The following BARD1 variants were observed in gnomAD, a reference collection of about 807,000 sequenced individuals.
The protein encoded by BARD1 is BRCA1-associated RING domain protein 1.
In BARD1, 73 loss-of-function variants were observed where a neutral mutation model predicts 77.0. The observed-to-expected ratio is 0.95, with a 90% CI of 0.79 to 1.15. The LOEUF is 1.15. Ranked by LOEUF, BARD1 falls within the 50% of genes most tolerant of loss-of-function variation. The probability of loss-of-function intolerance (pLI) is 0.00; values close to 1 mark genes in which losing one functional copy is unlikely to be tolerated. For missense variants in BARD1, 993 were observed against 938.8 expected, an observed-to-expected ratio of 1.06 and a Z score of -0.75; for synonymous variants, 384 against 338.0, an observed-to-expected ratio of 1.14 and a Z score of -1.49.
chr2:214,747,851 TATA>T (rs886553362), intron 7 of BARD1, among the ~76,000 whole-genome samples: 3 of 150,416 alleles, frequency 2.0e-5, no homozygotes, highest in South Asian at 2.1e-4. Context: ...AAACTTAAAG[TATA>T]ATAATAATAA....
At chr2:214,769,205 G>T in intron 5 of BARD1, 27 bp downstream of exon 5, 2 of 1,564,958 alleles carry the variant, frequency 1.3e-6, no homozygotes, top group Non-Finnish European at 1.8e-6. Flanking sequence ...AACACAGAAA[G>T]AATGAGAATA....
chr2:214,745,573 G>GA (rs1230115658), intron 8 of BARD1, 149 bp downstream of exon 8: 50 of 958,680 alleles, frequency 5.2e-5, no homozygotes, highest in African/African-American at 8.3e-5. Flanking sequence ...GTTTATTACT[G>GA]AAAAAAAATT....
intron 4 of BARD1, among the ~76,000 whole-genome samples, chr2:214,771,839 T>G (rs1043083810): frequency 1.3e-5 from 2 of 151,514 alleles, no homozygotes; most frequent in African/African-American, 4.9e-5. Flanking sequence ...CATACATTTT[T>G]ATATTCCTAA....
intron 4 of BARD1, among the ~76,000 whole-genome samples, chr2:214,773,352 G>A (rs185994067): frequency 1.2e-4 from 19 of 152,258 alleles, no homozygotes; most frequent in Non-Finnish European, 2.4e-4. Context: ...AGGAACCAAA[G>A]ACTTCCCTTC....
intron 6 of BARD1, among the ~76,000 whole-genome samples, 184 bp downstream of exon 6, chr2:214,767,298 C>A (rs892332681): frequency 7.4e-6 from 1 of 135,552 alleles, no homozygotes; most frequent in African/African-American, 2.7e-5. Flanking sequence ...TATGAAGGAC[C>A]AACTGTATCA....
At position 214,727,544 on chromosome 2, in the gene BARD1, C is replaced by T. The variant is rs1425357347; in HGVS notation, c.*1132G>A. 2.2e-5 allele frequency: 5 copies of T among 232,080 alleles called. No homozygotes were observed. The highest frequency in any genetic ancestry group is 8.8e-5 in the African/African-American group (4 of 45,248). 14.4% of individuals were successfully genotyped at this position (232,080 alleles called of 1,614,324 possible). On this transcript the variant is annotated 3_prime_UTR_variant, in exon 11 of 11. Transcript: ENST00000260947. ...CTTGTCGATTCATGAATGAGAGCAC[C>T]CAGAGCAGAGTAACCTCCCCACATC... is the stretch of plus-strand genomic sequence containing the variant.
Position 214,725,870 on chromosome 2 carries a change from T to C in BARD1, c.*2806A>G. ...GACTGTAATGAGGCCCATGAACGTT[T>C]AGAATATGATTAATGCATTTTCCAC... is the stretch of plus-strand genomic sequence containing the variant. On this transcript the variant is annotated 3_prime_UTR_variant, in exon 11 of 11. Coordinates refer to ENST00000260947, the MANE Select transcript of BARD1 (RefSeq NM_000465.4). 1 of 223,194 alleles carries C rather than the reference T, an allele frequency of 4.5e-6. No individual in the cohort carries two copies. The highest frequency in any genetic ancestry group is 9.0e-6 in the Non-Finnish European group (1 of 111,700). The allele number at this position is 223,194 out of a possible 1,614,324, so 13.8% of individuals were successfully genotyped here.
Position 214,780,650 on chromosome 2 carries a change from C to G in BARD1, c.1224G>C (p.Met408Ile). ...TLSSSSYRRVMSSPSAMKLLP... is the reference protein window; with the variant it reads ...TLSSSSYRRVISSPSAMKLLP... ...ACAGCTTCATTGCTGAGGGACTAGACATCACTCGCCTGTAACTTGAACTAC... is the reference window on the plus strand; with the variant it reads ...ACAGCTTCATTGCTGAGGGACTAGAGATCACTCGCCTGTAACTTGAACTAC... The change falls in exon 4 of 11, where the codon ATG (methionine) becomes ATC (isoleucine). Residue 408 changes from methionine to isoleucine, a missense_variant. Physicochemically the swap from Met to Ile is conservative, Grantham distance 10 (BLOSUM62 1). Transcript: ENST00000260947. The G allele has an allele frequency of 1.9e-6, 3 of 1,614,082 alleles. No individual in the cohort carries two copies. The highest frequency in any genetic ancestry group is 1.7e-6 in the Non-Finnish European group (2 of 1,179,986).
chr2:214,778,816 G>A lies in BARD1; in HGVS notation c.1314+1744C>T, dbSNP rs180922265. 1.9e-3 allele frequency among the ~76,000 whole-genome samples: 282 copies of A among 152,130 alleles called. 1 individual carries two copies. Among genetic ancestry groups the A allele is most frequent in the African/African-American group, 6.3e-3 (263 of 41,494 alleles). ...TACAAAACTCTGGCCTAGACCCTAG[G>A]GATCCTCATTAATAAAGATAAATTA... On this transcript the variant is annotated intron_variant, in intron 4 of 10. Coordinates refer to ENST00000260947, the MANE Select transcript of BARD1 (RefSeq NM_000465.4).
chr2:214,796,566 C>G (rs1695763228), intron 2 of BARD1, among the ~76,000 whole-genome samples: 2 of 152,184 alleles, frequency 1.3e-5, no homozygotes, highest in African/African-American at 2.4e-5. Context: ...TTCTCCCTCA[C>G]AGCCCACAGA....
In BARD1 at chr2:214,767,399, T is replaced by TAAGA. The variant is rs1402213587; in HGVS notation, c.1568+82_1568+83insTCTT. 4 of 1,311,704 alleles carry TAAGA rather than the reference T, an allele frequency of 3.0e-6. No individual in the cohort carries two copies. In the African/African-American group the frequency reaches 4.8e-5, roughly 16 times the overall value. 81.3% of individuals were successfully genotyped at this position (1,311,704 alleles called of 1,614,324 possible). ...AAGTGAAGAAAGCCATCAACTTGAC[T>TAAGA]ATTTTAAAGTCTGCTTTATCACACA... is the stretch of plus-strand genomic sequence containing the variant. On this transcript the variant is annotated intron_variant, in intron 6 of 10. Transcript: ENST00000260947.
chr2:214,768,719 C>T (rs1373571276), intron 5 of BARD1, among the ~76,000 whole-genome samples: 1 of 152,192 alleles, frequency 6.6e-6, no homozygotes, highest in African/African-American at 2.4e-5. Context: ...GATTATGCTT[C>T]ACACTTTTTT....
chr2:214,766,335 T>A lies in BARD1; in HGVS notation c.1568+1147A>T, dbSNP rs1333572886. On this transcript the variant is annotated intron_variant, in intron 6 of 10. Coordinates refer to ENST00000260947, the MANE Select transcript of BARD1 (RefSeq NM_000465.4). ...CCCCGGCCCAATATTTAAATTCTTA[T>A]ATGCTTTACCTGTTGTAATAGTAAA... is the stretch of plus-strand genomic sequence containing the variant. Among the ~76,000 whole-genome samples, 3 of 152,226 alleles carry A rather than the reference T, an allele frequency of 2.0e-5. No homozygotes were observed. The South Asian group carries it at 6.2e-4, about 31-fold the overall frequency.
chr2:214,730,513 C>A lies in BARD1; in HGVS notation c.1904-5G>T, dbSNP rs376639978. 4.3e-6 allele frequency: 7 copies of A among 1,610,658 alleles called. No individual in the cohort carries two copies. Among genetic ancestry groups the A allele is most frequent in the East Asian group, 4.5e-5 (2 of 44,824 alleles). ...TTCGTAGACATGCTTTTACCCCTGA[C>A]AAAAACACAAGAATTAAAGCAAACT... On this transcript the variant is annotated splice_region_variant and splice_polypyrimidine_tract_variant and intron_variant, in intron 9 of 10. Coordinates refer to ENST00000260947, the MANE Select transcript of BARD1 (RefSeq NM_000465.4).
In BARD1 at chr2:214,809,634, G is replaced by A. The variant is rs1364852487; in HGVS notation, c.-65C>T. On this transcript the variant is annotated 5_prime_UTR_variant, in exon 1 of 11. Coordinates refer to ENST00000260947, the MANE Select transcript of BARD1 (RefSeq NM_000465.4). ...AGCAAGGAAGCCTCGGGAAACCACA[G>A]GGAAGCTGCAGGCCAGCGACTCGAA... 6.6e-7 allele frequency: 1 copy of A among 1,514,460 alleles called. No homozygotes were observed. Among genetic ancestry groups the A allele is most frequent in the African/African-American group, 1.4e-5 (1 of 72,594 alleles). The allele number at this position is 1,514,460 out of a possible 1,614,324, so 93.8% of individuals were successfully genotyped here.
chr2:214,728,762 C>T lies in BARD1; in HGVS notation c.2248G>A (p.Val750Ile), dbSNP rs34677017. ...GCCTTCCAGACTTTGCCCTGCCGAA[C>T]CCTCTCTGGGTGATAATTACACAAA... Reference protein sequence around the residue: ...EDLCNYHPERVRQGKVWKAPS... With the variant: ...EDLCNYHPERIRQGKVWKAPS... The change falls in exon 11 of 11, where the codon GTT becomes ATT. Residue 750 changes from valine to isoleucine, a missense_variant. By Grantham distance (29) the Val-to-Ile change is conservative (BLOSUM62 3). Transcript: ENST00000260947. The T allele has an allele frequency of 1.2e-6, 2 of 1,614,054 alleles. No homozygotes were observed. Among genetic ancestry groups the T allele is most frequent in the African/African-American group, 2.7e-5 (2 of 74,918 alleles).
At chr2:214,730,123 C>T (rs1692284767) in intron 10 of BARD1, 2 of 439,132 alleles carry the variant, frequency 4.6e-6, no homozygotes, top group Admixed American at 7.1e-5. Context: ...CAAGCAGCAG[C>T]TGTAAGTCTT....
At chr2:214,786,375 CTTGT>C (rs745761874) in intron 3 of BARD1, among the ~76,000 whole-genome samples, 40 of 151,982 alleles carry the variant, frequency 2.6e-4, no homozygotes, top group Non-Finnish European at 5.0e-4. Flanking sequence ...CATAGAACAG[CTTGT>C]TTTATTGTTT....
chr2:214,741,933 CTT>C (rs1478120255), intron 9 of BARD1, among the ~76,000 whole-genome samples: 1 of 152,008 alleles, frequency 6.6e-6, no homozygotes, highest in African/African-American at 2.4e-5. Flanking sequence ...TTGTATAATT[CTT>C]TTTGTTAAAT....
Sources: gnomAD v4.1 joint callset for allele counts (sites outside exome capture counted in the v4.1 genomes callset) on GRCh38, gnomAD v4.1.1 for gene constraint, MANE v1.5 for transcripts, NCBI Gene and HGNC (gene_info 2026-07-23, HGNC 2026-07-21) for gene names.